The following MACROH2A2 variants were observed in gnomAD, a reference collection of about 807,000 sequenced individuals.
MACROH2A2 encodes the protein macroH2A.2 histone.
In MACROH2A2, 6 loss-of-function variants were observed where a neutral mutation model predicts 37.6. The ratio of observed to expected loss-of-function variants is 0.16; its 90% CI spans 0.09 to 0.32. MACROH2A2 has a LOEUF of 0.32. Among genes scored for constraint, MACROH2A2 ranks in the 10% least tolerant of loss-of-function variants. MACROH2A2 has a pLI of 1.00. For missense variants in MACROH2A2, 290 were observed against 485.9 expected, an observed-to-expected ratio of 0.60 and a Z score of 3.79; for synonymous variants, 192 against 202.7, an observed-to-expected ratio of 0.95 and a Z score of 0.45.
At chr10:70,091,422 T>A (rs1364023584) in intron 3 of MACROH2A2, among the ~76,000 whole-genome samples, 1 of 152,182 alleles carries the variant, frequency 6.6e-6, no homozygotes, top group Non-Finnish European at 1.5e-5. Flanking sequence ...ACGCCTGTAA[T>A]CCCAGCACTT....
Position 70,093,854 on chromosome 10 carries a change from G to C in MACROH2A2, c.588+9G>C, listed in dbSNP as rs2072260386. ...TTGTTCTGGGACAGAAGGTAACAAA[G>C]AGAATTGCCTTGTGCTATATTAAAA... On this transcript the variant is annotated intron_variant, in intron 5 of 8. Transcript: ENST00000373255. 1 of 1,429,676 alleles carries C rather than the reference G, an allele frequency of 7.0e-7. No homozygotes were observed. The highest frequency in any genetic ancestry group is 1.1e-5 in the South Asian group (1 of 87,230). 88.6% of individuals were successfully genotyped at this position (1,429,676 alleles called of 1,614,324 possible).
chr10:70,097,256 A>C (rs1212628557), intron 6 of MACROH2A2, among the ~76,000 whole-genome samples: 1 of 152,098 alleles, frequency 6.6e-6, no homozygotes, highest in African/African-American at 2.4e-5. Context: ...ATTGCTTCCT[A>C]GCTGACCTTT....
intron 7 of MACROH2A2, among the ~76,000 whole-genome samples, chr10:70,103,328 AAT>A (rs1321019864): frequency 6.6e-6 from 1 of 152,166 alleles, no homozygotes; most frequent in Non-Finnish European, 1.5e-5. Flanking sequence ...GGAGAGGAAA[AAT>A]AGCTGCTCTG....
chr10:70,084,509 A>G (rs1296252831), intron 2 of MACROH2A2, among the ~76,000 whole-genome samples: 2 of 152,218 alleles, frequency 1.3e-5, no homozygotes, highest in Non-Finnish European at 2.9e-5. Context: ...TTAAAACTGC[A>G]GTGAGCCTTG....
At chr10:70,064,070 A>G (rs1156388740) in intron 1 of MACROH2A2, among the ~76,000 whole-genome samples, 3 of 152,162 alleles carry the variant, frequency 2.0e-5, no homozygotes, top group African/African-American at 4.8e-5. Flanking sequence ...CTCTAAAGCA[A>G]TCAAACAACT....
At chr10:70,054,560 C>T (rs557672470) in intron 1 of MACROH2A2, among the ~76,000 whole-genome samples, 2 of 152,254 alleles carry the variant, frequency 1.3e-5, no homozygotes, top group South Asian at 2.1e-4. Flanking sequence ...GCTACTGAAA[C>T]GGTTCAATAG....
chr10:70,083,356 C>T (rs777144072), intron 2 of MACROH2A2, among the ~76,000 whole-genome samples: 2 of 152,208 alleles, frequency 1.3e-5, no homozygotes, highest in African/African-American at 4.8e-5. Context: ...ACTCTTCTCT[C>T]CCACCCAAAT....
rs186351001 is a variant in MACROH2A2, at chr10:70,060,145, G to A, written c.-60+7145G>A. On this transcript the variant is annotated intron_variant, in intron 1 of 8. Coordinates refer to ENST00000373255, the MANE Select transcript of MACROH2A2 (RefSeq NM_018649.3). ...AGCAGTTTGGGAGGCTGAGGTGGGC[G>A]GATCACTTGAGGTCAGGAGTTGGAG... 2.9e-3 allele frequency among the ~76,000 whole-genome samples: 443 copies of A among 152,202 alleles called. 2 individuals are homozygous for A. Among genetic ancestry groups the A allele is most frequent in the African/African-American group, 0.01 (425 of 41,524 alleles).
chr10:70,111,715 G>T lies in MACROH2A2; in HGVS notation c.*32G>T. 1 of 1,546,434 alleles carries T rather than the reference G, an allele frequency of 6.5e-7. No homozygotes were observed. Among genetic ancestry groups the T allele is most frequent in the South Asian group, 1.2e-5 (1 of 83,418 alleles). On this transcript the variant is annotated 3_prime_UTR_variant, in exon 9 of 9. Transcript: ENST00000373255. ...CACTTTCCAGCAGGGATCGGAGGAC[G>T]ACCCGAGTCCCAAGAGTGGGGTTTT...
chr10:70,068,780 G>A (rs1258665319), intron 1 of MACROH2A2, among the ~76,000 whole-genome samples: 4 of 152,214 alleles, frequency 2.6e-5, no homozygotes, highest in Non-Finnish European at 5.9e-5. Flanking sequence ...TGCTTCTGTG[G>A]GTTTGTTGAT....
Position 70,053,474 on chromosome 10 carries a change from G to A in MACROH2A2, c.-60+474G>A, listed in dbSNP as rs951508634. Among the ~76,000 whole-genome samples, 35 of 151,988 alleles carry A rather than the reference G, an allele frequency of 2.3e-4. No homozygotes were observed. Among genetic ancestry groups the A allele is most frequent in the Admixed American group, 2.0e-3 (31 of 15,272 alleles). On this transcript the variant is annotated intron_variant, in intron 1 of 8. Coordinates refer to ENST00000373255, the MANE Select transcript of MACROH2A2 (RefSeq NM_018649.3). The surrounding 1 kb of genome is among the most constrained non-coding windows in gnomAD (Gnocchi z 4.8). The stretch of plus-strand genomic sequence containing the variant: ...GGAGCCCGGGGAGGGCCGCTCGGGG[G>A]CCTCTGAAGGTGCCCGGGCAGGGCG...
chr10:70,098,553 G>A (rs2072289007), intron 6 of MACROH2A2: 1 of 152,182 alleles, frequency 6.6e-6, no homozygotes, highest in African/African-American at 2.4e-5. Context: ...ATTTGTTGAG[G>A]AAGCTGGGCC....
At chr10:70,074,557 C>T (rs1479589699) in intron 1 of MACROH2A2, among the ~76,000 whole-genome samples, 1 of 152,188 alleles carries the variant, frequency 6.6e-6, no homozygotes, top group African/African-American at 2.4e-5. Context: ...ACCCAAATCT[C>T]ATCTTGAATT....
chr10:70,091,918 G>A lies in MACROH2A2; in HGVS notation c.441G>A (p.Lys147=), dbSNP rs114246674. 217 of 1,613,940 alleles carry A rather than the reference G, an allele frequency of 1.3e-4. No homozygotes were observed. In the African/African-American group the frequency reaches 2.7e-3, roughly 20 times the overall value. Reference sequence around the variant, plus strand: ...CCACGTCAGGCAAGAAGGGGGGGAAGAAATCCAAGGCTGCCAAACCACGGA... The same window carrying A: ...CCACGTCAGGCAAGAAGGGGGGGAAAAAATCCAAGGCTGCCAAACCACGGA... The part of the protein sequence containing the change: ...RKATSGKKGG[K]KSKAAKPRTS... Residue 147 remains lysine (K), a synonymous_variant, in exon 4 of 9, where the codon AAG becomes AAA. Transcript: ENST00000373255.
At position 70,075,591 on chromosome 10, in the gene MACROH2A2, C is replaced by A; in HGVS notation, c.-59-9C>A. The A allele has an allele frequency of 6.8e-7, 1 of 1,480,754 alleles. No homozygotes were observed. The highest frequency in any genetic ancestry group is 9.4e-7 in the Non-Finnish European group (1 of 1,065,982). 91.7% of individuals were successfully genotyped at this position (1,480,754 alleles called of 1,614,324 possible). On this transcript the variant is annotated splice_polypyrimidine_tract_variant and intron_variant, in intron 1 of 8. Transcript: ENST00000373255. This position sits in a 1 kb window ranked among gnomAD's most constrained non-coding sequence, Gnocchi z 5.0. ...ACCCTTCCTCAACTCTGTCTTCTTT[C>A]CTTTTTAGCATTGTGTTAGTGCCGG... is the stretch of plus-strand genomic sequence containing the variant.
chr10:70,086,426 C>T (rs1440364413), intron 2 of MACROH2A2, among the ~76,000 whole-genome samples: 1 of 152,174 alleles, frequency 6.6e-6, no homozygotes, highest in African/African-American at 2.4e-5. Flanking sequence ...TCTGCATTCC[C>T]TGAATTGTGC....
intron 2 of MACROH2A2, among the ~76,000 whole-genome samples, chr10:70,081,703 G>A (rs1315289323): frequency 1.3e-5 from 2 of 152,138 alleles, no homozygotes; most frequent in Non-Finnish European, 2.9e-5. Flanking sequence ...GGTATGGACT[G>A]GGAGACAGAG....
In MACROH2A2 at chr10:70,072,527, G is replaced by A. The variant is rs117315541; in HGVS notation, c.-59-3073G>A. On this transcript the variant is annotated intron_variant, in intron 1 of 8. Transcript: ENST00000373255. ...AAGTAGAAGGAGTACCAGTAACATCGTCATTTGTTATCAAGTATTATATAC... is the reference window on the plus strand; with the variant it reads ...AAGTAGAAGGAGTACCAGTAACATCATCATTTGTTATCAAGTATTATATAC... 2.9e-3 allele frequency among the ~76,000 whole-genome samples: 446 copies of A among 152,220 alleles called. 1 individual carries two copies. The highest frequency in any genetic ancestry group is 6.8e-3 in the Middle Eastern group (2 of 294).
rs1221402810 is a variant in MACROH2A2, at chr10:70,079,577, A to G, written c.172+3747A>G. 2.4e-3 allele frequency among the ~76,000 whole-genome samples: 357 copies of G among 151,026 alleles called. 3 individuals carry two copies. The highest frequency in any genetic ancestry group is 8.3e-3 in the African/African-American group (340 of 41,210). The stretch of plus-strand genomic sequence containing the variant: ...CGCGCGCGCGCGCGCACACACACAC[A>G]CACACACACACACACACACACACAC... On this transcript the variant is annotated intron_variant, in intron 2 of 8. Transcript: ENST00000373255.
Sources: gnomAD v4.1 joint callset for allele counts (sites outside exome capture counted in the v4.1 genomes callset) on GRCh38, gnomAD v4.1.1 for gene constraint, Gnocchi (gnomAD v3.1) non-coding constraint, MANE v1.5 for transcripts, NCBI Gene and HGNC (gene_info 2026-07-23, HGNC 2026-07-21) for gene names.